The following HDAC9 variants were observed in gnomAD, a reference collection of about 807,000 sequenced individuals.
HDAC9 encodes the protein histone deacetylase 9, also known as MEF-2 interacting transcription repressor (MITR) protein.
In HDAC9, 41 loss-of-function variants were observed where a neutral mutation model predicts 139.4. The observed-to-expected ratio is 0.29, with a 90% CI of 0.23 to 0.38. The LOEUF (loss-of-function observed/expected upper bound fraction) is 0.38, where lower values mean the gene tolerates loss of function less well. Among genes scored for constraint, HDAC9 ranks in the 10% least tolerant of loss-of-function variants. The pLI is 1.00. For missense variants in HDAC9, 1,147 were observed against 1,297.0 expected (o/e 0.88, Z 1.78); for synonymous variants, 517 against 476.2 (o/e 1.09, Z -1.12).
chr7:18,368,820 G>T (rs1053431397), intron 1 of HDAC9, among the ~76,000 whole-genome samples: 1 of 152,092 alleles, frequency 6.6e-6, no homozygotes, highest in African/African-American at 2.4e-5. Context: ...ATGCCTCTCT[G>T]TGGTGCCCCT....
chr7:18,815,058 T>C (rs1281461274), intron 17 of HDAC9, among the ~76,000 whole-genome samples: 6 of 152,168 alleles, frequency 3.9e-5, no homozygotes, highest in Non-Finnish European at 5.9e-5. Flanking sequence ...GGGGCATTCG[T>C]TGGTACAGTC....
At chr7:18,672,909 G>A (rs1476865009) in intron 12 of HDAC9, among the ~76,000 whole-genome samples, 1 of 151,802 alleles carries the variant, frequency 6.6e-6, no homozygotes. Context: ...TTTTGGTCTT[G>A]CTTTTCTGAT....
intron 2 of HDAC9, among the ~76,000 whole-genome samples, chr7:18,226,990 T>C (rs1793098137): frequency 6.6e-6 from 1 of 152,184 alleles, no homozygotes; most frequent in Admixed American, 6.5e-5. Context: ...GGAAGATCTA[T>C]TAGTGGTATG....
At chr7:18,179,043 T>C (rs1211814742) in intron 2 of HDAC9, among the ~76,000 whole-genome samples, 1 of 152,202 alleles carries the variant, frequency 6.6e-6, no homozygotes, top group African/African-American at 2.4e-5. Flanking sequence ...GAGAACAAGA[T>C]CTCTTACTTT....
chr7:18,487,475 G>A (rs980725524), intron 1 of HDAC9, among the ~76,000 whole-genome samples: 3 of 152,034 alleles, frequency 2.0e-5, no homozygotes, highest in Non-Finnish European at 4.4e-5. Flanking sequence ...TGGCCTTAGA[G>A]TGTGTTTGCC....
chr7:18,486,222 A>G (rs1355306329), intron 1 of HDAC9, among the ~76,000 whole-genome samples: 7 of 152,166 alleles, frequency 4.6e-5, no homozygotes, highest in Admixed American at 1.3e-4. Context: ...TTAAGTTTCC[A>G]ACATATGAAC....
rs577090749 is a variant in HDAC9 at position 18,867,664 on chromosome 7, G to A, written c.2685-6814G>A. 9.0e-4 allele frequency among the ~76,000 whole-genome samples: 137 copies of A among 152,032 alleles called. 1 individual carries two copies. Among genetic ancestry groups the A allele is most frequent in the Middle Eastern group, 3.4e-3 (1 of 294 alleles). The stretch of plus-strand genomic sequence containing the variant: ...AAGTGTGTATTTTTTAAAAAAATAC[G>A]TAGAGCTTCACACTGGTTGGACTAA... On this transcript the variant is annotated intron_variant, in intron 21 of 25. Transcript: ENST00000686413.
intron 2 of HDAC9, among the ~76,000 whole-genome samples, chr7:18,568,114 G>A (rs556859051): frequency 2.4e-4 from 34 of 144,548 alleles, no homozygotes; most frequent in Non-Finnish European, 3.9e-4. Flanking sequence ...TATGTCTTTC[G>A]CTATAATTTA....
chr7:18,781,085 C>T lies in HDAC9; in HGVS notation c.2215-12260C>T, dbSNP rs117048308. Among the ~76,000 whole-genome samples, 148 of 152,100 alleles carry T rather than the reference C, an allele frequency of 9.7e-4. 4 individuals carry two copies. The East Asian group carries it at 0.027, about 28-fold the overall frequency. ...TTGGATGACCTTCTTCTCATTGTGG[C>T]CTCACAAGCTTTTCTCTGTTCATGC... On this transcript the variant is annotated intron_variant, in intron 16 of 25. Transcript: ENST00000686413.
rs796387357 is a variant in HDAC9 at position 18,938,610 on chromosome 7, TA to T, written c.2937+2677del. Among the ~76,000 whole-genome samples the T allele has an allele frequency of 1.9e-4, 28 of 151,274 alleles. 1 individual carries two copies. The highest frequency in any genetic ancestry group is 4.9e-4 in the African/African-American group (20 of 41,230). ...GACTCCGTCTCAAAAAAAATAATAA[TA>T]AAAAAAAATCTCAAAATGCTGAATT... On this transcript the variant is annotated intron_variant, in intron 23 of 25. Transcript: ENST00000686413.
chr7:18,107,879 C>G (rs1207111088), intron 1 of HDAC9, among the ~76,000 whole-genome samples: 1 of 152,096 alleles, frequency 6.6e-6, no homozygotes, highest in Non-Finnish European at 1.5e-5. Flanking sequence ...AAGTAATTCC[C>G]CCTTTTTTAC....
intron 6 of HDAC9, among the ~76,000 whole-genome samples, chr7:18,609,125 G>T (rs1245250079): frequency 6.6e-6 from 1 of 152,146 alleles, no homozygotes; most frequent in Admixed American, 6.6e-5. Context: ...TTCTTGGAGA[G>T]AATGCATTAG....
chr7:18,776,584 T>A (rs1004520252), intron 16 of HDAC9, among the ~76,000 whole-genome samples: 1 of 151,996 alleles, frequency 6.6e-6, no homozygotes, highest in Non-Finnish European at 1.5e-5. Context: ...ACTTTAAATA[T>A]ATGTGCATGT....
At chr7:18,919,870 A>T (rs1346485927) in intron 22 of HDAC9, among the ~76,000 whole-genome samples, 1 of 152,136 alleles carries the variant, frequency 6.6e-6, no homozygotes, top group African/African-American at 2.4e-5. Context: ...CTGTTTTGGT[A>T]CCAGTACCAT....
intron 22 of HDAC9, among the ~76,000 whole-genome samples, chr7:18,907,691 A>G (rs1356060690): frequency 6.6e-6 from 1 of 152,216 alleles, no homozygotes; most frequent in African/African-American, 2.4e-5. Flanking sequence ...GCACAATCAG[A>G]TAATTCTGGA....
chr7:18,404,825 A>C (rs1008001042), intron 1 of HDAC9, among the ~76,000 whole-genome samples: 2 of 152,232 alleles, frequency 1.3e-5, no homozygotes, highest in African/African-American at 4.8e-5. Context: ...AGCTATATGT[A>C]GAAATGTATA....
intron 13 of HDAC9, among the ~76,000 whole-genome samples, chr7:18,731,358 T>C: frequency 6.6e-6 from 1 of 152,174 alleles, no homozygotes; most frequent in East Asian, 1.9e-4. Context: ...GGCTTAAATC[T>C]ATCCTCTAAG....
chr7:18,252,551 A>G (rs1294526754), intron 2 of HDAC9, among the ~76,000 whole-genome samples: 1 of 152,142 alleles, frequency 6.6e-6, no homozygotes, highest in Non-Finnish European at 1.5e-5. Flanking sequence ...CTCTGTTGCC[A>G]TGTTTTGAAG....
At chr7:18,457,325 A>G (rs188803635) in intron 1 of HDAC9, among the ~76,000 whole-genome samples, 2 of 152,340 alleles carry the variant, frequency 1.3e-5, no homozygotes, top group Non-Finnish European at 2.9e-5. Context: ...TTAATATGAA[A>G]TAGAACTGTC....
Sources: allele counts gnomAD v4.1 joint callset (sites outside exome capture counted in the v4.1 genomes callset), GRCh38; gene constraint gnomAD v4.1.1; transcripts MANE v1.5; gene names NCBI Gene and HGNC (gene_info 2026-07-23, HGNC 2026-07-21).